Variants in GLB1L3 observed in about 807,000 individuals in gnomAD.
GLB1L3 encodes the protein beta-galactosidase-1-like protein 3.
Under a neutral mutation model 89.5 loss-of-function variants are expected in GLB1L3, and 89 were observed. The observed-to-expected ratio is 0.99, with a 90% CI of 0.84 to 1.19. The LOEUF (loss-of-function observed/expected upper bound fraction) is 1.19, where lower values mean the gene tolerates loss of function less well. Ranked by LOEUF, GLB1L3 falls within the 50% of genes most tolerant of loss-of-function variation. GLB1L3 has a pLI of 0.00. For synonymous variants in GLB1L3, 314 were observed against 312.3 expected, an observed-to-expected ratio of 1.01 and a Z score of -0.06; for missense variants, 812 against 813.3, an observed-to-expected ratio of 1.00 and a Z score of 0.02.
chr11:134,296,548 TG>T (rs1941652757), intron 9 of GLB1L3, among the ~76,000 whole-genome samples: 1 of 145,146 alleles, frequency 6.9e-6, no homozygotes, highest in Admixed American at 6.9e-5. Context: ...TGTAGGGACA[TG>T]GATGAAATTG....
intron 10 of GLB1L3, among the ~76,000 whole-genome samples, chr11:134,308,577 CCATCACCATCAT>C (rs1942525884): frequency 7.3e-6 from 1 of 136,310 alleles, no homozygotes; most frequent in Non-Finnish European, 1.6e-5. Flanking sequence ...ACCACCATCA[CCATCACCATCAT>C]CACCATCACC....
chr11:134,298,775 C>T (rs910377252), intron 9 of GLB1L3, among the ~76,000 whole-genome samples: 1 of 152,172 alleles, frequency 6.6e-6, no homozygotes, highest in African/African-American at 2.4e-5. Context: ...TTTTTCTTCC[C>T]AGTCTCAGGT....
chr11:134,276,895 C>T, intron 1 of GLB1L3, 132 bp downstream of exon 1: 2 of 801,378 alleles, frequency 2.5e-6, no homozygotes, highest in Admixed American at 4.3e-5. Context: ...CCACCAAGCC[C>T]GCTGTCCCCA....
intron 4 of GLB1L3, 143 bp from the exon 5 acceptor site, chr11:134,281,882 G>A: frequency 1.5e-6 from 1 of 646,100 alleles, no homozygotes; most frequent in South Asian, 1.9e-5. Context: ...CCGACCTGGT[G>A]TGGGAGTCCC....
chr11:134,291,606 A>T (rs1280209524), intron 7 of GLB1L3, among the ~76,000 whole-genome samples: 1 of 152,208 alleles, frequency 6.6e-6, no homozygotes, highest in Non-Finnish European at 1.5e-5. Context: ...CTACATAAAT[A>T]GTTGCTATAT....
intron 8 of GLB1L3, 176 bp downstream of exon 8, chr11:134,292,389 G>A: frequency 1.8e-6 from 1 of 540,660 alleles, no homozygotes. Flanking sequence ...AAGGCTCAGG[G>A]CCACTCACAG....
At chr11:134,278,170 A>G (rs1173523843) in intron 3 of GLB1L3, among the ~76,000 whole-genome samples, 1 of 152,162 alleles carries the variant, frequency 6.6e-6, no homozygotes, top group Non-Finnish European at 1.5e-5. Flanking sequence ...CTGTCTGTCT[A>G]ATGAAGGAAC....
intron 10 of GLB1L3, among the ~76,000 whole-genome samples, chr11:134,308,477 C>T (rs1384855092): frequency 1.0e-4 from 1 of 9,614 alleles, no homozygotes; most frequent in Non-Finnish European, 2.5e-4. Context: ...CCACCAAATA[C>T]CACCACCACC....
chr11:134,289,705 T>C (rs1408527880), intron 7 of GLB1L3, among the ~76,000 whole-genome samples: 1 of 152,228 alleles, frequency 6.6e-6, no homozygotes. Context: ...CTTGAAGCTT[T>C]CTGGCCTGTA....
In GLB1L3 at chr11:134,308,461, C is replaced by T. The variant is rs867229690; in HGVS notation, c.962-1165C>T. On this transcript the variant is annotated intron_variant, in intron 10 of 19. Coordinates refer to ENST00000431683, the MANE Select transcript of GLB1L3 (RefSeq NM_001080407.3). ...ACCACCACCATCACCACCACCACCA[C>T]CACCACCACCAAATACCACCACCAC... 8.7e-4 allele frequency among the ~76,000 whole-genome samples: 21 copies of T among 24,100 alleles called. 1 individual carries two copies. Among genetic ancestry groups the T allele is most frequent in the South Asian group, 1.9e-3 (2 of 1,052 alleles). The allele number at this position is 24,100 out of a possible 152,430, so 15.8% of individuals were successfully genotyped here. A position where few individuals can be genotyped will look rare whatever the true frequency, so the allele number is the denominator to read the frequency against.
At chr11:134,320,732 GA>G (rs1943155441), downstream of GLB1L3, among the ~76,000 whole-genome samples, 1 of 124,414 alleles carries the variant, frequency 8.0e-6, no homozygotes, top group Non-Finnish European at 1.7e-5. Context: ...TATTTTACAA[GA>G]AAAACAAAAA....
At position 134,292,555 on chromosome 11, in the gene GLB1L3, T is replaced by G. The variant is rs928113551; in HGVS notation, c.811+342T>G. The G allele has an allele frequency of 3.6e-5, 8 of 222,844 alleles. No homozygotes were observed. In the South Asian group the frequency reaches 4.6e-4, roughly 13 times the overall value. 13.8% of individuals were successfully genotyped at this position (222,844 alleles called of 1,614,324 possible). Reference sequence around the variant, plus strand: ...TGGGATCAGGGCCATCTCCACTAACTTGGGAAACCACAGGGAGAACCAGAA... The same window carrying G: ...TGGGATCAGGGCCATCTCCACTAACGTGGGAAACCACAGGGAGAACCAGAA... On this transcript the variant is annotated intron_variant, in intron 8 of 19. Coordinates refer to ENST00000431683, the MANE Select transcript of GLB1L3 (RefSeq NM_001080407.3).
chr11:134,291,131 C>T (rs1203051377), intron 7 of GLB1L3, among the ~76,000 whole-genome samples: 1 of 152,088 alleles, frequency 6.6e-6, no homozygotes, highest in Non-Finnish European at 1.5e-5. Context: ...GTTTAGTTTC[C>T]GATTTCCTCA....
intron 2 of GLB1L3, 119 bp from the exon 3 acceptor site, chr11:134,277,581 G>A (rs1940447304): frequency 2.7e-6 from 4 of 1,504,584 alleles, no homozygotes; most frequent in Non-Finnish European, 3.7e-6. Flanking sequence ...ACTAACATAT[G>A]CACAGAACAC....
chr11:134,322,598 G>A (rs1173540720), downstream of GLB1L3, among the ~76,000 whole-genome samples: 1 of 151,902 alleles, frequency 6.6e-6, no homozygotes, highest in Non-Finnish European at 1.5e-5. Context: ...CCCAGCCCCT[G>A]GCAACTATGA....
Position 134,313,432 on chromosome 11 carries a change from G to T in GLB1L3, c.1537G>T (p.Gly513Ter). The T allele has an allele frequency of 6.3e-7, 1 of 1,584,840 alleles. No individual in the cohort carries two copies. The highest frequency in any genetic ancestry group is 2.3e-5 in the East Asian group (1 of 43,568). Residue 513 changes from glycine to a stop codon, truncating the protein, a stop_gained, in exon 16 of 20, where the codon GGA becomes TGA. Coordinates refer to ENST00000431683, the MANE Select transcript of GLB1L3 (RefSeq NM_001080407.3). LOFTEE classifies it high-confidence loss of function. Reference sequence around the variant, plus strand: ...CCTGAGGATCCTGGTGGAGAATCAAGGACGAGTCAATTTTTCATGGCAAAT... The same window carrying T: ...CCTGAGGATCCTGGTGGAGAATCAATGACGAGTCAATTTTTCATGGCAAAT... The part of the protein sequence containing the change: ...RYLRILVENQ[G>*]RVNFSWQIQN...
chr11:134,290,069 C>T (rs768882720), intron 7 of GLB1L3, among the ~76,000 whole-genome samples: 6 of 152,228 alleles, frequency 3.9e-5, no homozygotes, highest in Non-Finnish European at 7.3e-5. Flanking sequence ...TGCTGGCTCC[C>T]GCGCTATAGC....
rs1565412314 is a variant in GLB1L3, at chr11:134,308,208, C to CCACCACCACCACCACCACCAT, written c.961+1008_961+1009insCCACCACCACCATCACCACCA. Among the ~76,000 whole-genome samples the CCACCACCACCACCACCACCAT allele has an allele frequency of 4.8e-4, 13 of 27,268 alleles. 1 individual carries two copies. Among genetic ancestry groups the CCACCACCACCACCACCACCAT allele is most frequent in the East Asian group, 1.7e-3 (2 of 1,188 alleles). 17.9% of individuals were successfully genotyped at this position (27,268 alleles called of 152,430 possible). A position where few individuals can be genotyped will look rare whatever the true frequency, so the allele number is the denominator to read the frequency against. ...ACCATCATCACCATCACCACTACCA[C>CCACCACCACCACCACCACCAT]CACCACCATCACCATCACCACCACC... On this transcript the variant is annotated intron_variant, in intron 10 of 19. Transcript: ENST00000431683.
At chr11:134,281,721 GC>G (rs1940698650) in intron 4 of GLB1L3, among the ~76,000 whole-genome samples, 1 of 80,476 alleles carries the variant, frequency 1.2e-5, no homozygotes, top group African/African-American at 3.6e-5. Context: ...GGGGTCTGGC[GC>G]CTGGGCTGGG....
Sources: allele counts gnomAD v4.1 joint callset (sites outside exome capture counted in the v4.1 genomes callset), GRCh38; gene constraint gnomAD v4.1.1; transcripts MANE v1.5; gene names NCBI Gene and HGNC (gene_info 2026-07-23, HGNC 2026-07-21).